Variants in LRP1B observed in about 807,000 individuals in gnomAD.
LRP1B encodes LDL receptor related protein 1B, also known as low-density lipoprotein receptor-related protein 1B.
A neutral mutation model predicts 556.6 loss-of-function variants in LRP1B; 217 were observed. That is an observed-to-expected ratio of 0.39 (90% confidence interval 0.35 to 0.44). The LOEUF is 0.44. Ranked by LOEUF, LRP1B falls within the 20% of genes least tolerant of loss-of-function variation. The pLI is 1.00. For synonymous variants in LRP1B, 2,047 were observed against 1,865.8 expected, an observed-to-expected ratio of 1.10 and a Z score of -2.50; for missense variants, 5,053 against 5,620.8, an observed-to-expected ratio of 0.90 and a Z score of 3.23.
intron 6 of LRP1B, among the ~76,000 whole-genome samples, chr2:141,214,480 A>G (rs906728370): frequency 1.1e-4 from 16 of 152,192 alleles, no homozygotes; most frequent in African/African-American, 3.6e-4. Flanking sequence ...ATGCATCTAA[A>G]CACCTATATA....
intron 83 of LRP1B, among the ~76,000 whole-genome samples, chr2:140,307,547 A>G (rs983730896): frequency 1.3e-5 from 2 of 151,882 alleles, no homozygotes; most frequent in Middle Eastern, 3.5e-3. Context: ...GAAATAATAT[A>G]TTTTTAAGTA....
Position 140,563,421 on chromosome 2 carries a change from A to T in LRP1B, c.7195-21450T>A, listed in dbSNP as rs571341991. Reference sequence around the variant, plus strand: ...TTCTTTTACTTGTCATGATAATTTTAAAAAATTTATGAAGCATTACTTTAG... The same window carrying T: ...TTCTTTTACTTGTCATGATAATTTTTAAAAATTTATGAAGCATTACTTTAG... On this transcript the variant is annotated intron_variant, in intron 43 of 90. Transcript: ENST00000389484. 1.2e-3 allele frequency among the ~76,000 whole-genome samples: 5 copies of T among 4,252 alleles called. No individual in the cohort carries two copies. The Non-Finnish European group carries it at 0.069, about 59-fold the overall frequency. 2.8% of individuals were successfully genotyped at this position (4,252 alleles called of 152,430 possible).
At chr2:140,975,443 C>T (rs1174033357) in intron 18 of LRP1B, among the ~76,000 whole-genome samples, 4 of 151,250 alleles carry the variant, frequency 2.6e-5, no homozygotes, top group African/African-American at 4.9e-5. Flanking sequence ...AAAGATGTTA[C>T]TCATTTCCTC....
At chr2:140,541,693 C>T (rs1043395587) in intron 44 of LRP1B, 86 bp downstream of exon 44, 1 of 1,060,690 alleles carries the variant, frequency 9.4e-7, no homozygotes, top group South Asian at 2.4e-5. Context: ...AAAGCAAATC[C>T]AACTATTACT....
intron 2 of LRP1B, among the ~76,000 whole-genome samples, chr2:141,553,238 T>G (rs2105233101): frequency 6.6e-6 from 1 of 152,024 alleles, no homozygotes; most frequent in Admixed American, 6.6e-5. Flanking sequence ...AAGATCAATT[T>G]CAATTTTAAG....
intron 3 of LRP1B, among the ~76,000 whole-genome samples, chr2:141,412,873 G>A (rs904006540): frequency 2.6e-5 from 4 of 151,986 alleles, no homozygotes; most frequent in African/African-American, 7.2e-5. Flanking sequence ...ATTCATGCCC[G>A]AATCCTGAAA....
At chr2:141,776,047 C>A (rs1695059849) in intron 2 of LRP1B, among the ~76,000 whole-genome samples, 1 of 151,936 alleles carries the variant, frequency 6.6e-6, no homozygotes, top group South Asian at 2.1e-4. Flanking sequence ...GGGGTTTCAC[C>A]ATGTTAGCCA....
chr2:140,856,603 A>G (rs1454494970), intron 27 of LRP1B, among the ~76,000 whole-genome samples: 2 of 152,156 alleles, frequency 1.3e-5, no homozygotes, highest in Non-Finnish European at 1.5e-5. Context: ...CCACAAAACA[A>G]TACGTGAATG....
chr2:141,467,821 GTT>G (rs566293803), intron 3 of LRP1B, among the ~76,000 whole-genome samples: 4 of 33,984 alleles, frequency 1.2e-4, no homozygotes, highest in Non-Finnish European at 3.3e-4. Context: ...TTGTTTGTTT[GTT>G]TGTTTGTTTG....
chr2:140,331,675 C>CTATATA (rs1291081425), intron 79 of LRP1B, among the ~76,000 whole-genome samples: 1 of 118,494 alleles, frequency 8.4e-6, no homozygotes, highest in African/African-American at 3.3e-5. Flanking sequence ...TTAGTTATCA[C>CTATATA]TATATATATA....
chr2:141,518,626 C>A (rs544745428), intron 2 of LRP1B, among the ~76,000 whole-genome samples: 216 of 152,254 alleles, frequency 1.4e-3, no homozygotes, highest in African/African-American at 5.0e-3. Flanking sequence ...AGAGCTATCA[C>A]TTCCAACGTG....
rs181908772 is a variant in LRP1B, at chr2:141,005,538, A to C, written c.2381-81T>G. ...GAGGTGAACATAGATGTAATTACAT[A>C]CACTTATATATGCTATGTATATTAT... On this transcript the variant is annotated intron_variant, in intron 14 of 90. Transcript: ENST00000389484. The C allele has an allele frequency of 5.5e-6, 7 of 1,274,276 alleles. No homozygotes were observed. The African/African-American group carries it at 1.0e-4, about 19-fold the overall frequency. The allele number at this position is 1,274,276 out of a possible 1,614,324, so 78.9% of individuals were successfully genotyped here.
intron 6 of LRP1B, among the ~76,000 whole-genome samples, chr2:141,218,286 A>G (rs1682896462): frequency 6.6e-6 from 1 of 152,234 alleles, no homozygotes. Flanking sequence ...ATTACTAGGT[A>G]TATACACAAA....
chr2:141,153,252 T>C (rs1701969422), intron 7 of LRP1B, among the ~76,000 whole-genome samples: 1 of 131,840 alleles, frequency 7.6e-6, no homozygotes, highest in Non-Finnish European at 1.6e-5. Context: ...TATATATAAT[T>C]TATATATATT....
intron 41 of LRP1B, among the ~76,000 whole-genome samples, chr2:140,610,098 G>A (rs1248603236): frequency 6.6e-6 from 1 of 150,836 alleles, no homozygotes; most frequent in Non-Finnish European, 1.5e-5. Context: ...TTCTTCCCCG[G>A]GTCTGACGTT....
chr2:140,990,043 T>C (rs897357325), intron 16 of LRP1B, among the ~76,000 whole-genome samples: 2 of 151,860 alleles, frequency 1.3e-5, no homozygotes, highest in Non-Finnish European at 2.9e-5. Context: ...CTGTTTCTAC[T>C]AAAAATACAA....
At chr2:141,496,900 T>G (rs1419315054) in intron 2 of LRP1B, among the ~76,000 whole-genome samples, 1 of 152,026 alleles carries the variant, frequency 6.6e-6, no homozygotes, top group East Asian at 1.9e-4. Flanking sequence ...TGTGGTTTGT[T>G]TTTAGAAACA....
chr2:141,255,628 TCAC>T (rs1442868183), intron 3 of LRP1B, among the ~76,000 whole-genome samples: 1 of 152,058 alleles, frequency 6.6e-6, no homozygotes, highest in Non-Finnish European at 1.5e-5. Context: ...TCACACATCT[TCAC>T]TTCTTAAAAC....
At chr2:140,389,745 T>A (rs953952370) in intron 66 of LRP1B, among the ~76,000 whole-genome samples, 5 of 147,368 alleles carry the variant, frequency 3.4e-5, no homozygotes, top group Non-Finnish European at 6.0e-5. Flanking sequence ...ATATATAGTT[T>A]TATATATATA....
Sources: allele counts gnomAD v4.1 joint callset (sites outside exome capture counted in the v4.1 genomes callset), GRCh38; gene constraint gnomAD v4.1.1; transcripts MANE v1.5; gene names NCBI Gene and HGNC (gene_info 2026-07-23, HGNC 2026-07-21).